WDR72: variants seen among roughly 807,000 people sequenced by gnomAD.
WDR72 encodes WD repeat-containing protein 72.
WDR72 carries 120 observed loss-of-function variants against 124.2 expected under a neutral mutation model. The observed-to-expected ratio is 0.97, with a 90% CI of 0.83 to 1.12. The LOEUF is 1.12. Among genes scored for constraint, WDR72 ranks in the 50% most tolerant of loss-of-function variants. WDR72 has a pLI of 0.00. For missense variants in WDR72, 1,387 were observed against 1,278.8 expected (o/e 1.08, Z -1.29); for synonymous variants, 452 against 441.7 (o/e 1.02, Z -0.29).
intron 14 of WDR72, among the ~76,000 whole-genome samples, chr15:53,641,566 G>A (rs2140412655): frequency 6.6e-6 from 1 of 152,062 alleles, no homozygotes; most frequent in East Asian, 1.9e-4. Flanking sequence ...TAAATATATA[G>A]AGTTGTGAGT....
intron 19 of WDR72, among the ~76,000 whole-genome samples, chr15:53,520,477 T>C (rs1326552522): frequency 6.6e-6 from 1 of 152,036 alleles, no homozygotes; most frequent in Non-Finnish European, 1.5e-5. Flanking sequence ...AGAATGTGCA[T>C]TCAGAATTAA....
Position 53,615,101 on chromosome 15 carries a change from T to C in WDR72, c.2780+325A>G, listed in dbSNP as rs181199351. ...CAAGACGTATATGTGTCTATGTATG[T>C]ATATGTGTATGTATGTATGTATGTA... On this transcript the variant is annotated intron_variant, in intron 15 of 19. Transcript: ENST00000360509. Among the ~76,000 whole-genome samples, 437 of 152,142 alleles carry C rather than the reference T, an allele frequency of 2.9e-3. 12 individuals are homozygous for C. Among genetic ancestry groups the C allele is most frequent in the Non-Finnish European group, 2.9e-4 (20 of 67,948 alleles).
intron 11 of WDR72, 85 bp downstream of exon 11, chr15:53,704,903 G>C: frequency 6.8e-7 from 1 of 1,472,346 alleles, no homozygotes; most frequent in Non-Finnish European, 9.2e-7. Context: ...AAATTATTTA[G>C]GCCTCTAAAT....
chr15:53,652,284 A>G (rs1445835663), intron 14 of WDR72, among the ~76,000 whole-genome samples: 1 of 152,142 alleles, frequency 6.6e-6, no homozygotes, highest in East Asian at 1.9e-4. Context: ...TATGAAGCTC[A>G]GTTTCTCCTG....
At chr15:53,545,199 C>A (rs1372936568) in intron 18 of WDR72, among the ~76,000 whole-genome samples, 1 of 151,558 alleles carries the variant, frequency 6.6e-6, no homozygotes, top group Non-Finnish European at 1.5e-5. Flanking sequence ...GAGCCCGCAT[C>A]GCCACGGGAA....
chr15:53,688,259 G>T (rs1397485260), intron 13 of WDR72, among the ~76,000 whole-genome samples: 1 of 149,516 alleles, frequency 6.7e-6, no homozygotes, highest in African/African-American at 2.5e-5. Context: ...ATTAGGAAAA[G>T]AGGAAGTCAA....
chr15:53,526,918 G>C (rs1892151487), intron 18 of WDR72, among the ~76,000 whole-genome samples: 2 of 152,176 alleles, frequency 1.3e-5, no homozygotes, highest in Non-Finnish European at 2.9e-5. Context: ...AAGATGTAAG[G>C]CTATTCCATT....
chr15:53,754,640 A>C (rs1434696858), intron 1 of WDR72, among the ~76,000 whole-genome samples: 1 of 152,090 alleles, frequency 6.6e-6, no homozygotes, highest in African/African-American at 2.4e-5. Flanking sequence ...AATCGATCCA[A>C]CCCATTTTAA....
chr15:53,563,938 T>C (rs1022220557), intron 18 of WDR72, among the ~76,000 whole-genome samples: 17 of 151,830 alleles, frequency 1.1e-4, no homozygotes, highest in Non-Finnish European at 2.4e-4. Flanking sequence ...CAATAAGAAA[T>C]TGTTGTCCGC....
At chr15:53,588,183 G>A (rs1402418735) in intron 18 of WDR72, among the ~76,000 whole-genome samples, 1 of 151,882 alleles carries the variant, frequency 6.6e-6, no homozygotes. Context: ...TTTGATAGAT[G>A]TCTGTCATTG....
chr15:53,743,576 T>C (rs760294715), intron 1 of WDR72, among the ~76,000 whole-genome samples: 88 of 152,332 alleles, frequency 5.8e-4, no homozygotes, highest in Admixed American at 2.1e-3. Flanking sequence ...AGTTCATGAA[T>C]ATTTTTACTT....
rs143898711 is a variant in WDR72, at chr15:53,615,815, C to T, written c.2391G>A (p.Leu797=). Residue 797 remains leucine (L), a synonymous_variant, in exon 15 of 20, where the codon TTG becomes TTA. Transcript: ENST00000360509. ...CCCATGGCAAAAGGCAAGACAGAAA[C>T]AATTTTGCTGTGTCTATTGTGAGAC... ...DASLTIDTAK[L]FLSCLLPWGV... is the part of the protein sequence containing the mutation. 6.2e-7 allele frequency: 1 copy of T among 1,613,542 alleles called. No individual in the cohort carries two copies.
At chr15:53,557,678 CACCG>C (rs889537242) in intron 18 of WDR72, among the ~76,000 whole-genome samples, 8 of 151,980 alleles carry the variant, frequency 5.3e-5, no homozygotes, top group African/African-American at 1.4e-4. Flanking sequence ...GAAAAGTGAC[CACCG>C]ACCATCCTGA....
At chr15:53,584,035 T>C (rs113365930) in intron 18 of WDR72, among the ~76,000 whole-genome samples, 2 of 151,992 alleles carry the variant, frequency 1.3e-5, no homozygotes, top group Non-Finnish European at 2.9e-5. Context: ...TGGTCTTACT[T>C]AATGTTTCAG....
intron 14 of WDR72, among the ~76,000 whole-genome samples, chr15:53,628,344 C>T (rs2014290408): frequency 6.6e-6 from 1 of 151,962 alleles, no homozygotes; most frequent in African/African-American, 2.4e-5. Flanking sequence ...AGGGAAAGTA[C>T]CTCCATCAAA....
intron 13 of WDR72, among the ~76,000 whole-genome samples, chr15:53,673,276 G>C (rs694329): frequency 0.096 from 14,503 of 151,842 alleles, 1,851 homozygotes; most frequent in African/African-American, 0.29. Flanking sequence ...GGTCCACTAA[G>C]TCTATGAAAA....
At chr15:53,687,413 A>G (rs1255391572) in intron 13 of WDR72, among the ~76,000 whole-genome samples, 1 of 150,830 alleles carries the variant, frequency 6.6e-6, no homozygotes, top group African/African-American at 2.4e-5. Context: ...ACAAACTACC[A>G]TCAGAGAATA....
At chr15:53,574,988 C>T (rs569067943) in intron 18 of WDR72, among the ~76,000 whole-genome samples, 1 of 143,162 alleles carries the variant, frequency 7.0e-6, no homozygotes, top group African/African-American at 2.6e-5. Context: ...TTTAAAGAGG[C>T]TAATGAAAAT....
chr15:53,611,318 T>A (rs556720543), intron 16 of WDR72, among the ~76,000 whole-genome samples: 1 of 152,142 alleles, frequency 6.6e-6, no homozygotes, highest in Non-Finnish European at 1.5e-5. Flanking sequence ...CCAACCTAAA[T>A]TCCAGAGAGA....
Sources: gnomAD v4.1 joint callset for allele counts (sites outside exome capture counted in the v4.1 genomes callset) on GRCh38, gnomAD v4.1.1 for gene constraint, MANE v1.5 for transcripts, NCBI Gene and HGNC (gene_info 2026-07-23, HGNC 2026-07-21) for gene names.